The following MFSD11 variants were observed in gnomAD, a reference collection of about 807,000 sequenced individuals.
MFSD11 encodes major facilitator superfamily domain containing 11.
In MFSD11, 36 loss-of-function variants were observed where a neutral mutation model predicts 53.5. The ratio of observed to expected loss-of-function variants is 0.67; its 90% CI spans 0.52 to 0.89. The LOEUF is 0.89. MFSD11 is among the 40% of genes least tolerant of loss of function. The pLI is 0.00. For synonymous variants in MFSD11, 186 were observed against 184.9 expected (o/e 1.01, Z -0.05); for missense variants, 530 against 543.9 (o/e 0.97, Z 0.25).
chr17:76,738,809 T>C (rs1419381402), intron 1 of MFSD11, 129 bp from the exon 2 acceptor site: 1 of 705,104 alleles, frequency 1.4e-6, no homozygotes, highest in African/African-American at 1.8e-5. Context: ...TTTCTCATAA[T>C]GGACTTCAGT....
chr17:76,741,862 G>A, intron 3 of MFSD11, 107 bp from the exon 4 acceptor site: 1 of 1,547,240 alleles, frequency 6.5e-7, no homozygotes, highest in Non-Finnish European at 8.8e-7. Flanking sequence ...TCCTTTACAG[G>A]TTGAGTTTTA....
intron 8 of MFSD11, among the ~76,000 whole-genome samples, chr17:76,757,993 G>C (rs2079819658): frequency 6.6e-6 from 1 of 151,972 alleles, no homozygotes. Flanking sequence ...CTGGGTGACA[G>C]AGCGAGACTG....
chr17:76,743,521 A>G (rs1401465880), intron 6 of MFSD11, 65 bp downstream of exon 6: 1 of 994,678 alleles, frequency 1.0e-6, no homozygotes, highest in Non-Finnish European at 1.5e-6. Context: ...ATATAGAAAT[A>G]CCCATTATTG....
At chr17:76,781,473 G>A (rs1449818187), downstream of MFSD11, 1 of 152,176 alleles carries the variant, frequency 6.6e-6, no homozygotes, top group East Asian at 1.9e-4. Flanking sequence ...TTGGTGGGGA[G>A]CATCTTACAA....
chr17:76,751,257 G>A (rs1162542228), intron 7 of MFSD11, among the ~76,000 whole-genome samples: 1 of 151,818 alleles, frequency 6.6e-6, no homozygotes, highest in Non-Finnish European at 1.5e-5. Flanking sequence ...AGGCGTAGTG[G>A]CAGGCGCCTG....
chr17:76,774,911 ATTCCT>A lies in MFSD11; in HGVS notation c.875-84_875-80del. The A allele has an allele frequency of 2.9e-6, 4 of 1,357,958 alleles. No individual in the cohort carries two copies. In the South Asian group the frequency reaches 5.7e-5, roughly 19 times the overall value. The allele number at this position is 1,357,958 out of a possible 1,614,324, so 84.1% of individuals were successfully genotyped here. On this transcript the variant is annotated intron_variant, in intron 10 of 12. Coordinates refer to ENST00000685175, the MANE Select transcript of MFSD11 (RefSeq NM_001242532.5). Reference sequence around the variant, plus strand: ...AGAAATTTAACAAGTGAGAATGTTTATTCCTTGGCTCCTTGGTGGTAACTCAGGCC... The same window carrying A: ...AGAAATTTAACAAGTGAGAATGTTTATGGCTCCTTGGTGGTAACTCAGGCC...
chr17:76,760,277 CAAA>C (rs549267564), intron 8 of MFSD11, among the ~76,000 whole-genome samples: 9 of 92,584 alleles, frequency 9.7e-5, no homozygotes, highest in Admixed American at 1.2e-4. Context: ...AACTCTGTCT[CAAA>C]AAAAAAAAAA....
At chr17:76,798,186 C>T in the MFSD11 span, among the ~76,000 whole-genome samples, 15 of 152,178 alleles carry the variant, frequency 9.9e-5, no homozygotes, top group Non-Finnish European at 1.8e-4. Flanking sequence ...CCATGCCTGG[C>T]CCAGGAAAAC....
chr17:76,782,383 C>T (rs2082186042), downstream of MFSD11, among the ~76,000 whole-genome samples: 1 of 151,258 alleles, frequency 6.6e-6, no homozygotes, highest in African/African-American at 2.4e-5. Flanking sequence ...TCATGTTGGT[C>T]AGGCTGGTCT....
At chr17:76,745,479 G>A (rs1399025982) in intron 7 of MFSD11, 1 of 152,142 alleles carries the variant, frequency 6.6e-6, no homozygotes, top group African/African-American at 2.4e-5. Flanking sequence ...AACAGCGTGT[G>A]GTCACTTTGT....
intron 7 of MFSD11, among the ~76,000 whole-genome samples, chr17:76,753,589 C>T (rs973742645): frequency 5.3e-5 from 8 of 150,130 alleles, no homozygotes. Context: ...GGGAGGATGG[C>T]TGGTGGGAGG....
downstream of MFSD11, among the ~76,000 whole-genome samples, chr17:76,780,204 A>G (rs2082123470): frequency 6.6e-6 from 1 of 152,234 alleles, no homozygotes; most frequent in Non-Finnish European, 1.5e-5. Flanking sequence ...CACCCCAAAA[A>G]GTAGTCGCTG....
chr17:76,738,991 C>T lies in MFSD11; in HGVS notation c.150C>T (p.Thr50=). 3 of 1,612,146 alleles carry T rather than the reference C, an allele frequency of 1.9e-6. No homozygotes were observed. The highest frequency in any genetic ancestry group is 2.5e-6 in the Non-Finnish European group (3 of 1,178,226). Reference sequence around the variant, plus strand: ...CAGATTTTCACGGCAGTGGATATACCAGGTATTGTACCGTATGATTGATTT... The same window carrying T: ...CAGATTTTCACGGCAGTGGATATACTAGGTATTGTACCGTATGATTGATTT... ...NRTDFHGSGY[T]SMAIIYGVFS... Residue 50 remains threonine, a splice_region_variant and synonymous_variant, in exon 2 of 13, where the codon ACC becomes ACT. Coordinates refer to ENST00000685175, the MANE Select transcript of MFSD11 (RefSeq NM_001242532.5).
At chr17:76,789,302 C>A in the MFSD11 span, among the ~76,000 whole-genome samples, 722 of 149,904 alleles carry the variant, frequency 4.8e-3, 35 homozygotes, top group African/African-American at 0.016. Context: ...TGTTTTTCTT[C>A]CCTTAATTTT....
intron 8 of MFSD11, among the ~76,000 whole-genome samples, chr17:76,762,436 G>A (rs537696599): frequency 2.6e-5 from 4 of 152,218 alleles, no homozygotes; most frequent in East Asian, 1.9e-4. Flanking sequence ...TAGACTCCAC[G>A]CAGAGTGCTG....
At chr17:76,803,628 C>A in the MFSD11 span, among the ~76,000 whole-genome samples, 3 of 152,092 alleles carry the variant, frequency 2.0e-5, no homozygotes, top group Non-Finnish European at 4.4e-5. Context: ...TGGGAATTGA[C>A]TCCAGCACAA....
intron 10 of MFSD11, chr17:76,773,406 T>C (rs2081541203): frequency 6.6e-6 from 1 of 152,258 alleles, no homozygotes; most frequent in African/African-American, 2.4e-5. Context: ...ATCACTGTTT[T>C]TGATGTTAGC....
chr17:76,752,952 A>G (rs1431182545), intron 7 of MFSD11: 1 of 152,134 alleles, frequency 6.6e-6, no homozygotes, highest in Non-Finnish European at 1.5e-5. Flanking sequence ...TTGGAACAAT[A>G]CAGAGATTAG....
chr17:76,759,408 G>T (rs915141756), intron 8 of MFSD11, among the ~76,000 whole-genome samples: 47 of 151,720 alleles, frequency 3.1e-4, no homozygotes, highest in African/African-American at 1.1e-3. Context: ...TCAATCCCCT[G>T]AGTAGCTGGG....
Sources: allele counts gnomAD v4.1 joint callset (sites outside exome capture counted in the v4.1 genomes callset), GRCh38; gene constraint gnomAD v4.1.1; transcripts MANE v1.5; gene names NCBI Gene and HGNC (gene_info 2026-07-23, HGNC 2026-07-21).